Variants in CACNB2 observed in about 807,000 individuals in gnomAD.
CACNB2 encodes calcium voltage-gated channel auxiliary subunit beta 2.
Under a neutral mutation model 73.3 loss-of-function variants are expected in CACNB2, and 42 were observed. That is an observed-to-expected ratio of 0.57 (90% CI 0.45 to 0.74). CACNB2 has a LOEUF of 0.74. CACNB2 is among the 30% of genes least tolerant of loss of function. The pLI, the probability that CACNB2 is intolerant of heterozygous loss-of-function variation, is 0.00. For missense variants in CACNB2, 940 were observed against 853.0 expected, an observed-to-expected ratio of 1.10 and a Z score of -1.27; for synonymous variants, 348 against 310.3, an observed-to-expected ratio of 1.12 and a Z score of -1.28.
At chr10:18,537,931 G>T (rs1274533698) in intron 12 of CACNB2, among the ~76,000 whole-genome samples, 1 of 152,074 alleles carries the variant, frequency 6.6e-6, no homozygotes, top group Non-Finnish European at 1.5e-5. Flanking sequence ...TTTCTGGGTT[G>T]CCATGTCCTT....
chr10:18,215,974 A>G (rs573352269), intron 2 of CACNB2, among the ~76,000 whole-genome samples: 3 of 152,260 alleles, frequency 2.0e-5, no homozygotes, highest in South Asian at 2.1e-4. Context: ...TTGTCATTCT[A>G]TAATTCTCTC....
intron 2 of CACNB2, among the ~76,000 whole-genome samples, chr10:18,315,833 G>C (rs2040162233): frequency 6.6e-6 from 1 of 152,144 alleles, no homozygotes; most frequent in African/African-American, 2.4e-5. Flanking sequence ...CTCCCACCAT[G>C]GACAACTTCA....
At chr10:18,317,157 A>T (rs543353486) in intron 2 of CACNB2, among the ~76,000 whole-genome samples, 2 of 151,692 alleles carry the variant, frequency 1.3e-5, no homozygotes, top group African/African-American at 4.8e-5. Context: ...GTCCTCTCAA[A>T]GGTCTCCAGA....
At chr10:18,261,823 G>T in intron 2 of CACNB2, 3 of 435,006 alleles carry the variant, frequency 6.9e-6, no homozygotes, top group Admixed American at 5.2e-5. Context: ...ATCATCCTGT[G>T]ACTCTTTCAC....
intron 11 of CACNB2, 93 bp downstream of exon 11, chr10:18,534,320 T>TAA: frequency 1.0e-5 from 11 of 1,087,184 alleles, no homozygotes; most frequent in Non-Finnish European, 1.6e-5. Flanking sequence ...TGTAATAGCC[T>TAA]TTATGATGTA....
rs769211879 is a variant in CACNB2 at position 18,150,879 on chromosome 10, T to TTTTTTTTTTTTTTTTTTTTTTTTTG, written c.121-3_121-2insTTTTTTTTTTTTTTTTTTTTTTTGT. 29 of 1,259,880 alleles carry TTTTTTTTTTTTTTTTTTTTTTTTTG rather than the reference T, an allele frequency of 2.3e-5. 2 individuals carry two copies. Among genetic ancestry groups the TTTTTTTTTTTTTTTTTTTTTTTTTG allele is most frequent in the African/African-American group, 3.4e-5 (2 of 59,532 alleles). The allele number at this position is 1,259,880 out of a possible 1,614,324, so 78.0% of individuals were successfully genotyped here. A position where few individuals can be genotyped will look rare whatever the true frequency, so the allele number is the denominator to read the frequency against. ...TCTTTTTTTTTTTTTTTTTTTTTTT[T>TTTTTTTTTTTTTTTTTTTTTTTTTG]TAGTCATATGGAAAAGGAGCCAGAA... is the stretch of plus-strand genomic sequence containing the variant. On this transcript the variant is annotated splice_polypyrimidine_tract_variant and splice_region_variant and intron_variant, in intron 1 of 13. Transcript: ENST00000324631.
At chr10:18,425,097 T>A (rs751259231) in intron 3 of CACNB2, among the ~76,000 whole-genome samples, 1 of 152,242 alleles carries the variant, frequency 6.6e-6, no homozygotes, top group African/African-American at 2.4e-5. Context: ...ATTACTTTCA[T>A]TGAATACTTT....
chr10:18,194,352 A>C (rs1367166139), intron 2 of CACNB2, among the ~76,000 whole-genome samples: 1 of 152,128 alleles, frequency 6.6e-6, no homozygotes, highest in Non-Finnish European at 1.5e-5. Flanking sequence ...GAGTGAACCA[A>C]ATCTTCCCAA....
chr10:18,243,948 C>A (rs2131519527), intron 2 of CACNB2, among the ~76,000 whole-genome samples: 1 of 152,318 alleles, frequency 6.6e-6, no homozygotes, highest in Non-Finnish European at 1.5e-5. Context: ...TCTGAGAGTG[C>A]TGAGTTGGAA....
intron 3 of CACNB2, among the ~76,000 whole-genome samples, chr10:18,408,514 C>A (rs994934461): frequency 6.6e-6 from 1 of 152,038 alleles, no homozygotes; most frequent in Non-Finnish European, 1.5e-5. Flanking sequence ...TCTGGGATTA[C>A]AAGCATGAGC....
At chr10:18,198,076 CAT>C (rs1465679252) in intron 2 of CACNB2, among the ~76,000 whole-genome samples, 2 of 146,968 alleles carry the variant, frequency 1.4e-5, no homozygotes, top group Non-Finnish European at 3.0e-5. Context: ...ATGTATGTAA[CAT>C]ATTAACTTAC....
chr10:18,150,853 G>GTATTTTTT (rs756678637), intron 1 of CACNB2, 30 bp from the exon 2 acceptor site: 7 of 655,034 alleles, frequency 1.1e-5, no homozygotes, highest in Admixed American at 4.0e-5. Context: ...AATCTTATTT[G>GTATTTTTT]TCTTTTTTTT....
intron 2 of CACNB2, among the ~76,000 whole-genome samples, chr10:18,349,078 C>T (rs969886470): frequency 2.0e-5 from 3 of 152,196 alleles, no homozygotes; most frequent in Non-Finnish European, 4.4e-5. Flanking sequence ...TGTGATCGTG[C>T]TTCTGCACTC....
chr10:18,461,446 C>T lies in CACNB2; in HGVS notation c.334-36909C>T, dbSNP rs561555122. Among the ~76,000 whole-genome samples, 35 of 152,200 alleles carry T rather than the reference C, an allele frequency of 2.3e-4. 1 individual carries two copies. The South Asian group carries it at 7.3e-3, about 32-fold the overall frequency. On this transcript the variant is annotated intron_variant, in intron 3 of 13. Coordinates refer to ENST00000324631, the MANE Select transcript of CACNB2 (RefSeq NM_201596.3). The stretch of plus-strand genomic sequence containing the variant: ...TTTCAAATCCAGTGTTCATGACTTC[C>T]CTGATTCTATCAAGATATATTTATA...
intron 2 of CACNB2, among the ~76,000 whole-genome samples, chr10:18,348,320 A>G (rs1386775317): frequency 2.6e-5 from 4 of 152,246 alleles, no homozygotes; most frequent in Non-Finnish European, 5.9e-5. Context: ...CTGAATGACA[A>G]CAATTAGAGA....
At chr10:18,363,032 C>G (rs2042205089) in intron 2 of CACNB2, among the ~76,000 whole-genome samples, 1 of 152,178 alleles carries the variant, frequency 6.6e-6, no homozygotes, top group African/African-American at 2.4e-5. Flanking sequence ...AGCTGATTGT[C>G]TGTGTTGAAG....
chr10:18,338,895 T>C (rs544717638), intron 2 of CACNB2, among the ~76,000 whole-genome samples: 1 of 151,982 alleles, frequency 6.6e-6, no homozygotes, highest in African/African-American at 2.4e-5. Context: ...CATGCCACCA[T>C]GCCTAGCTAA....
intron 2 of CACNB2, among the ~76,000 whole-genome samples, chr10:18,344,325 G>T (rs1349643013): frequency 6.6e-6 from 1 of 151,660 alleles, no homozygotes; most frequent in Non-Finnish European, 1.5e-5. Flanking sequence ...ATTTTGTGCA[G>T]TCGCAATAGA....
At chr10:18,188,928 A>C (rs902897351) in intron 2 of CACNB2, among the ~76,000 whole-genome samples, 2 of 152,134 alleles carry the variant, frequency 1.3e-5, no homozygotes, top group African/African-American at 2.4e-5. Flanking sequence ...CTGAGAAGGG[A>C]TAAGAACCGC....
Sources: allele counts gnomAD v4.1 joint callset (sites outside exome capture counted in the v4.1 genomes callset), GRCh38; gene constraint gnomAD v4.1.1; transcripts MANE v1.5; gene names NCBI Gene and HGNC (gene_info 2026-07-23, HGNC 2026-07-21).